Variants in GLB1L3 observed in about 807,000 individuals in gnomAD.
GLB1L3 encodes the protein beta-galactosidase-1-like protein 3.
A neutral mutation model predicts 89.5 loss-of-function variants in GLB1L3; 89 were observed. The observed-to-expected ratio is 0.99, with a 90% CI of 0.84 to 1.19. The LOEUF (loss-of-function observed/expected upper bound fraction) is 1.19, where lower values mean the gene tolerates loss of function less well. Among genes scored for constraint, GLB1L3 ranks in the 50% most tolerant of loss-of-function variants. The pLI, the probability that GLB1L3 is intolerant of heterozygous loss-of-function variation, is 0.00. For missense variants in GLB1L3, 812 were observed against 813.3 expected (o/e 1.00, Z 0.02); for synonymous variants, 314 against 312.3 (o/e 1.01, Z -0.06).
chr11:134,292,490 T>C (rs1175465463), intron 8 of GLB1L3: 9 of 294,074 alleles, frequency 3.1e-5, no homozygotes, highest in Non-Finnish European at 5.7e-5. Context: ...TCCCATAGTT[T>C]TTCTGTGGCA....
intron 8 of GLB1L3, chr11:134,292,787 C>A (rs1276483314): frequency 2.6e-6 from 1 of 387,692 alleles, no homozygotes; most frequent in South Asian, 2.8e-5. Flanking sequence ...TGCCGTTCTG[C>A]CTCCTTAGTA....
At chr11:134,287,101 C>G (rs1200284299) in intron 6 of GLB1L3, 1 of 152,050 alleles carries the variant, frequency 6.6e-6, no homozygotes, top group South Asian at 2.1e-4. Context: ...GCGGAGCTTG[C>G]AGGGAGCCAA....
At chr11:134,288,452 A>G (rs990835483) in intron 6 of GLB1L3, among the ~76,000 whole-genome samples, 6 of 152,212 alleles carry the variant, frequency 3.9e-5, no homozygotes, top group Non-Finnish European at 8.8e-5. Context: ...CCCACACGCA[A>G]GTGGTGGCAT....
chr11:134,300,615 T>A (rs937019168), intron 9 of GLB1L3, among the ~76,000 whole-genome samples: 1 of 152,098 alleles, frequency 6.6e-6, no homozygotes, highest in Non-Finnish European at 1.5e-5. Flanking sequence ...ATTACAGGCG[T>A]GAGCCACCGC....
intron 9 of GLB1L3, chr11:134,305,389 T>C: frequency 4.5e-6 from 2 of 445,184 alleles, no homozygotes; most frequent in Non-Finnish European, 7.9e-6. Flanking sequence ...ATTCTCTCTC[T>C]ACGTTTTTTG....
chr11:134,308,532 CTACCACCACCATCACCATCACCAT>C (rs1942503832), intron 10 of GLB1L3, among the ~76,000 whole-genome samples: 1 of 73,816 alleles, frequency 1.4e-5, no homozygotes, highest in African/African-American at 4.3e-5. Context: ...TCCACCACCA[CTACCACCACCATCACCATCACCAT>C]CACCACCACC....
chr11:134,284,453 C>T (rs1439518941), intron 6 of GLB1L3, among the ~76,000 whole-genome samples: 1 of 152,134 alleles, frequency 6.6e-6, no homozygotes, highest in Non-Finnish European at 1.5e-5. Flanking sequence ...TCAGTCCAGG[C>T]TTGGTGACTC....
rs777570906 is a variant in GLB1L3, at chr11:134,292,219, C to T, written c.811+6C>T. On this transcript the variant is annotated splice_donor_region_variant and intron_variant, in intron 8 of 19. Transcript: ENST00000431683. ...GAGTGGCCACACCAAAGGAGGTACA[C>T]ATTTAGAGTTAGTTCACAGGAGAAC... 6.2e-7 allele frequency: 1 copy of T among 1,605,828 alleles called. No homozygotes were observed. The highest frequency in any genetic ancestry group is 8.5e-7 in the Non-Finnish European group (1 of 1,173,192).
intron 9 of GLB1L3, chr11:134,305,368 C>T (rs561655881): frequency 1.1e-5 from 5 of 469,052 alleles, no homozygotes; most frequent in African/African-American, 5.9e-5. Context: ...CTAAAATCTT[C>T]GACAAAGAGC....
chr11:134,312,833 A>G lies in GLB1L3; in HGVS notation c.1446A>G (p.Thr482=), dbSNP rs752020338. ...TTTTGCAGGTGTTTTTGGATGAGAC[A>G]ATGATAGGGATTCTGAATGAGAATA... ...HDVAQVFLDE[T]MIGILNENNK... is the part of the protein sequence containing the mutation. The change falls in exon 15 of 20, where the codon ACA becomes ACG. Residue 482 remains threonine, a synonymous_variant. Coordinates refer to ENST00000431683, the MANE Select transcript of GLB1L3 (RefSeq NM_001080407.3). 15 of 1,611,832 alleles carry G rather than the reference A, an allele frequency of 9.3e-6. No homozygotes were observed. The Admixed American group carries it at 1.3e-4, about 14-fold the overall frequency.
At chr11:134,313,029 G>A (rs1942819769) in intron 15 of GLB1L3, 142 bp downstream of exon 15, 1 of 688,816 alleles carries the variant, frequency 1.5e-6, no homozygotes, top group African/African-American at 1.8e-5. Flanking sequence ...AAGTGTGCAG[G>A]GCTGGAAGCC....
At chr11:134,294,232 A>G (rs1230075947) in intron 9 of GLB1L3, among the ~76,000 whole-genome samples, 3 of 151,920 alleles carry the variant, frequency 2.0e-5, no homozygotes, top group East Asian at 1.9e-4. Flanking sequence ...ACACCCAGCT[A>G]ATTTTTGTAC....
upstream of GLB1L3, chr11:134,276,334 G>T (rs1219813747): frequency 1.1e-5 from 2 of 179,360 alleles, no homozygotes; most frequent in African/African-American, 2.3e-5. Context: ...GAGACCGCCC[G>T]CTGTGCCCCG....
At chr11:134,313,556 T>G (rs1144215) in intron 16 of GLB1L3, 82 bp downstream of exon 16, 132 of 680,678 alleles carry the variant, frequency 1.9e-4, no homozygotes, top group Non-Finnish European at 2.8e-4. Flanking sequence ...CGGGAGAGGG[T>G]GGGGAAACCA....
chr11:134,313,992 T>C lies in GLB1L3; in HGVS notation c.1631T>C (p.Ile544Thr), dbSNP rs769101219. Residue 544 changes from isoleucine (I) to threonine (T), a missense_variant, in exon 17 of 20, where the codon ATC (isoleucine) becomes ACC (threonine). This residue lies in a region of GLB1L3 where 618 missense variants were observed against 604.0 expected (regional missense o/e 1.02). Transcript: ENST00000431683. ...INNSSLEGFT[I>T]YSLEMKMSFF... ...AACTCTTCCCTGGAGGGCTTTACCA[T>C]CTATTCCCTGGAGATGAAAATGAGC... 6.2e-7 allele frequency: 1 copy of C among 1,613,038 alleles called. No individual in the cohort carries two copies. The highest frequency in any genetic ancestry group is 8.5e-7 in the Non-Finnish European group (1 of 1,179,244).
chr11:134,312,309 T>C, intron 13 of GLB1L3, 40 bp from the exon 14 acceptor site: 2 of 1,605,790 alleles, frequency 1.2e-6, no homozygotes, highest in African/African-American at 1.3e-5. Context: ...TCCTGACTGC[T>C]CAGCCCTTGG....
At position 134,310,158 on chromosome 11, in the gene GLB1L3, G is replaced by GA. The variant is rs1942652067; in HGVS notation, c.1099+397dup. 1.6e-5 allele frequency: 6 copies of GA among 376,780 alleles called. No individual in the cohort carries two copies. In the South Asian group the frequency reaches 2.1e-4, roughly 13 times the overall value. The allele number at this position is 376,780 out of a possible 1,614,324, so 23.3% of individuals were successfully genotyped here. On this transcript the variant is annotated intron_variant, in intron 11 of 19. Transcript: ENST00000431683. ...TTGGCTTCCCTGGGCCACACTGGAA[G>GA]AAGAAGAATTGTCTTGGGCCACACA...
intron 6 of GLB1L3, among the ~76,000 whole-genome samples, chr11:134,284,186 G>A (rs1233164143): frequency 6.6e-6 from 1 of 151,990 alleles, no homozygotes; most frequent in East Asian, 1.9e-4. Context: ...ATGAATTTTT[G>A]GTCAGATAAA....
intron 9 of GLB1L3, among the ~76,000 whole-genome samples, chr11:134,304,952 T>C (rs1251982075): frequency 2.0e-5 from 3 of 152,212 alleles, no homozygotes; most frequent in South Asian, 4.1e-4. Context: ...TGAGTTCTTA[T>C]TGGCTCAAGG....
Sources: gnomAD v4.1 joint callset for allele counts (sites outside exome capture counted in the v4.1 genomes callset) on GRCh38, gnomAD v4.1.1 for gene constraint, gnomAD v4.1.1 regional missense constraint, MANE v1.5 for transcripts, NCBI Gene and HGNC (gene_info 2026-07-23, HGNC 2026-07-21) for gene names.